The following HOOK3 variants were observed in gnomAD, a reference collection of about 807,000 sequenced individuals.
HOOK3 encodes protein Hook homolog 3.
Under a neutral mutation model 116.3 loss-of-function variants are expected in HOOK3, and 24 were observed. That is an observed-to-expected ratio of 0.21 (90% CI 0.15 to 0.29). The LOEUF is 0.29. HOOK3 is among the 10% of genes least tolerant of loss of function. The pLI is 1.00. For missense variants in HOOK3, 632 were observed against 830.2 expected, an observed-to-expected ratio of 0.76 and a Z score of 2.93; for synonymous variants, 275 against 283.0, an observed-to-expected ratio of 0.97 and a Z score of 0.28.
intron 1 of HOOK3, among the ~76,000 whole-genome samples, chr8:42,905,152 C>T (rs1807278107): frequency 6.6e-6 from 1 of 152,162 alleles, no homozygotes; most frequent in East Asian, 1.9e-4. Context: ...GTGACTTCTA[C>T]ATCTGTGTAA....
intron 6 of HOOK3, 81 bp downstream of exon 6, chr8:42,950,536 T>TAA (rs137952645): frequency 0.026 from 20,762 of 789,312 alleles, 630 homozygotes; most frequent in African/African-American, 0.12. Context: ...TGGAAAATTT[T>TAA]AAGAGATTCT....
At chr8:43,012,265 C>T (rs1809627918) in intron 19 of HOOK3, among the ~76,000 whole-genome samples, 1 of 152,174 alleles carries the variant, frequency 6.6e-6, no homozygotes, top group Non-Finnish European at 1.5e-5. Context: ...GTTTAGTACA[C>T]AACTAGGCGA....
intron 2 of HOOK3, 101 bp downstream of exon 2, chr8:42,906,359 G>A (rs1807311149): frequency 1.2e-6 from 1 of 814,730 alleles, no homozygotes; most frequent in Non-Finnish European, 2.1e-6. Context: ...CGTGTGTAGA[G>A]TAAGAGTTGT....
intron 1 of HOOK3, among the ~76,000 whole-genome samples, chr8:42,904,883 C>G (rs549022007): frequency 2.0e-5 from 3 of 152,262 alleles, no homozygotes; most frequent in South Asian, 2.1e-4. Context: ...GTTGACACTT[C>G]TATTATACTG....
rs1807915346 is a variant in HOOK3 at position 43,027,844 on chromosome 8, CTA to C, written c.*9348_*9349del. 4.9e-6 allele frequency: 1 copy of C among 202,566 alleles called. No individual in the cohort carries two copies. Among genetic ancestry groups the C allele is most frequent in the Non-Finnish European group, 1.0e-5 (1 of 98,650 alleles). 12.5% of individuals were successfully genotyped at this position (202,566 alleles called of 1,614,324 possible). On this transcript the variant is annotated 3_prime_UTR_variant, in exon 22 of 22. Transcript: ENST00000307602. ...ACAGTCACATGTGGATAGTAGTTAC[CTA>C]TCAGACAGTACAGGTATAGAACATT...
At chr8:42,905,498 A>C (rs1807288167) in intron 1 of HOOK3, among the ~76,000 whole-genome samples, 1 of 152,014 alleles carries the variant, frequency 6.6e-6, no homozygotes, top group Non-Finnish European at 1.5e-5. Flanking sequence ...CTTTCCCAGA[A>C]GCATCTCCTT....
At chr8:42,964,200 G>C (rs368008207) in intron 8 of HOOK3, 111 bp from the exon 9 acceptor site, 4 of 1,069,880 alleles carry the variant, frequency 3.7e-6, no homozygotes, top group Non-Finnish European at 5.4e-6. Flanking sequence ...GTGAGACTCC[G>C]CCTCAAAAAA....
intron 1 of HOOK3, among the ~76,000 whole-genome samples, chr8:42,898,546 T>A (rs190001015): frequency 1.1e-4 from 17 of 152,284 alleles, no homozygotes; most frequent in Admixed American, 3.3e-4. Flanking sequence ...AGGAATAGAT[T>A]TGGCAGAATC....
In HOOK3 at chr8:43,028,041, G is replaced by C. The variant is rs1414574328; in HGVS notation, c.*9543G>C. The C allele has an allele frequency of 5.2e-6, 1 of 192,664 alleles. No homozygotes were observed. The highest frequency in any genetic ancestry group is 2.3e-5 in the African/African-American group (1 of 43,026). The allele number at this position is 192,664 out of a possible 1,614,324, so 11.9% of individuals were successfully genotyped here. Reference sequence around the variant, plus strand: ...ATACTAATCCTTTTTAAAGACCTTGGAAAAAATCAAAACCCCATTCCTTTA... The same window carrying C: ...ATACTAATCCTTTTTAAAGACCTTGCAAAAAATCAAAACCCCATTCCTTTA... On this transcript the variant is annotated 3_prime_UTR_variant, in exon 22 of 22. Transcript: ENST00000307602.
At chr8:42,923,945 A>G (rs956659045) in intron 2 of HOOK3, among the ~76,000 whole-genome samples, 2 of 152,250 alleles carry the variant, frequency 1.3e-5, no homozygotes, top group Non-Finnish European at 2.9e-5. Context: ...TTAAAAAAAT[A>G]TACTTACTAC....
At chr8:42,898,440 AG>A (rs1402724348) in intron 1 of HOOK3, among the ~76,000 whole-genome samples, 1 of 152,180 alleles carries the variant, frequency 6.6e-6, no homozygotes, top group African/African-American at 2.4e-5. Flanking sequence ...TTCAGAAAAG[AG>A]GAAGACTGGT....
chr8:43,004,707 A>G (rs1244834681), intron 17 of HOOK3, among the ~76,000 whole-genome samples: 1 of 151,172 alleles, frequency 6.6e-6, no homozygotes, highest in Middle Eastern at 3.2e-3. Flanking sequence ...AAAAAACTAC[A>G]ATGGAGACCA....
At chr8:42,898,953 T>C (rs1807124487) in intron 1 of HOOK3, among the ~76,000 whole-genome samples, 1 of 152,220 alleles carries the variant, frequency 6.6e-6, no homozygotes, top group Non-Finnish European at 1.5e-5. Flanking sequence ...GAATATCTAA[T>C]GCAATTTATT....
intron 4 of HOOK3, among the ~76,000 whole-genome samples, chr8:42,936,458 G>A (rs1241587403): frequency 6.6e-6 from 1 of 152,150 alleles, no homozygotes; most frequent in African/African-American, 2.4e-5. Context: ...GGACATCCTT[G>A]TCTTGTGCCA....
intron 21 of HOOK3, among the ~76,000 whole-genome samples, chr8:43,013,953 T>C (rs1338714645): frequency 6.6e-6 from 1 of 152,142 alleles, no homozygotes; most frequent in Non-Finnish European, 1.5e-5. Flanking sequence ...CTGTCTTCCT[T>C]TTGTTTTTTG....
At position 42,965,921 on chromosome 8, in the gene HOOK3, T is replaced by A. The variant is rs78924959; in HGVS notation, c.780-552T>A. On this transcript the variant is annotated intron_variant, in intron 9 of 21. Coordinates refer to ENST00000307602, the MANE Select transcript of HOOK3 (RefSeq NM_032410.4). ...TGCAAGACCCTCTCTTTCCCGACTATGTGTCTGCAAGGCTGGATTTTCTTC... is the reference window on the plus strand; with the variant it reads ...TGCAAGACCCTCTCTTTCCCGACTAAGTGTCTGCAAGGCTGGATTTTCTTC... 3.7e-3 allele frequency among the ~76,000 whole-genome samples: 557 copies of A among 152,282 alleles called. 17 individuals carry two copies. The East Asian group carries it at 0.098, about 27-fold the overall frequency.
intron 2 of HOOK3, among the ~76,000 whole-genome samples, chr8:42,921,468 T>G (rs1439111681): frequency 6.6e-6 from 1 of 152,230 alleles, no homozygotes; most frequent in African/African-American, 2.4e-5. Context: ...TTAGTAGAAA[T>G]CACTTCAGTT....
chr8:42,925,674 G>A (rs200235234), intron 3 of HOOK3, 45 bp downstream of exon 3: 1 of 1,285,178 alleles, frequency 7.8e-7, no homozygotes, highest in Non-Finnish European at 1.1e-6. Context: ...ATTTGTATGT[G>A]TATAATATCT....
chr8:42,993,866 T>G (rs1016585594), intron 15 of HOOK3, among the ~76,000 whole-genome samples: 2 of 152,164 alleles, frequency 1.3e-5, no homozygotes, highest in African/African-American at 4.8e-5. Flanking sequence ...TTGTCTCTGA[T>G]TTTATTTATT....
Sources: gnomAD v4.1 joint callset for allele counts (sites outside exome capture counted in the v4.1 genomes callset) on GRCh38, gnomAD v4.1.1 for gene constraint, MANE v1.5 for transcripts, NCBI Gene and HGNC (gene_info 2026-07-23, HGNC 2026-07-21) for gene names.